The following ITGA9 variants were observed in gnomAD, a reference collection of about 807,000 sequenced individuals.
The protein encoded by ITGA9 is integrin subunit alpha 9, also known as integrin alpha-9.
A neutral mutation model predicts 127.8 loss-of-function variants in ITGA9; 56 were observed. That is an observed-to-expected ratio of 0.44 (90% CI 0.35 to 0.55). ITGA9 has a LOEUF of 0.55. ITGA9 is among the 20% of genes least tolerant of loss of function. The pLI is 0.00. For missense variants in ITGA9, 1,196 were observed against 1,347.1 expected, an observed-to-expected ratio of 0.89 and a Z score of 1.76; for synonymous variants, 508 against 514.5, an observed-to-expected ratio of 0.99 and a Z score of 0.17.
At chr3:37,734,871 C>G (rs973731070) in intron 19 of ITGA9, among the ~76,000 whole-genome samples, 2 of 152,216 alleles carry the variant, frequency 1.3e-5, no homozygotes, top group Admixed American at 1.3e-4. Context: ...CTACCACTTT[C>G]CTCCCACATA....
At chr3:37,482,293 G>A (rs1698565682) in intron 4 of ITGA9, among the ~76,000 whole-genome samples, 1 of 152,194 alleles carries the variant, frequency 6.6e-6, no homozygotes, top group South Asian at 2.1e-4. Flanking sequence ...CTCGCCAAGG[G>A]GCACTTGGAA....
chr3:37,726,565 G>T (rs1322201099), intron 18 of ITGA9, among the ~76,000 whole-genome samples: 1 of 152,218 alleles, frequency 6.6e-6, no homozygotes, highest in Non-Finnish European at 1.5e-5. Context: ...ACCACTGCAC[G>T]TTACAAACAG....
At chr3:37,556,323 C>T (rs527490294) in intron 15 of ITGA9, among the ~76,000 whole-genome samples, 99 of 152,336 alleles carry the variant, frequency 6.5e-4, no homozygotes, top group Admixed American at 9.1e-4. Context: ...AAATCTTTTC[C>T]TCTTTCTAAC....
At chr3:37,595,601 G>C (rs1413577318) in intron 15 of ITGA9, among the ~76,000 whole-genome samples, 1 of 152,224 alleles carries the variant, frequency 6.6e-6, no homozygotes, top group Non-Finnish European at 1.5e-5. Flanking sequence ...AGTGGAGTTT[G>C]ACTCAGATCC....
At chr3:37,534,907 C>T (rs1699193784) in intron 14 of ITGA9, among the ~76,000 whole-genome samples, 1 of 152,240 alleles carries the variant, frequency 6.6e-6, no homozygotes, top group African/African-American at 2.4e-5. Context: ...TAAGATACTA[C>T]AGTCTTAAGG....
chr3:37,490,000 A>G (rs976327244), intron 4 of ITGA9, among the ~76,000 whole-genome samples: 5 of 152,148 alleles, frequency 3.3e-5, no homozygotes, highest in African/African-American at 1.2e-4. Context: ...CTGGGGTTCA[A>G]CTGCATAGTC....
At chr3:37,693,720 C>A (rs1332220110) in intron 18 of ITGA9, among the ~76,000 whole-genome samples, 1 of 152,172 alleles carries the variant, frequency 6.6e-6, no homozygotes, top group African/African-American at 2.4e-5. Flanking sequence ...GAGAACAAAG[C>A]AAATTGTGTT....
intron 14 of ITGA9, among the ~76,000 whole-genome samples, chr3:37,536,381 G>A (rs62239552): frequency 0.57 from 86,164 of 151,382 alleles, 24,955 homozygotes; most frequent in East Asian, 0.81. Flanking sequence ...TTTGTTAGCA[G>A]GACGGCTGCA....
intron 23 of ITGA9, among the ~76,000 whole-genome samples, chr3:37,759,258 G>A (rs1383242455): frequency 6.6e-6 from 1 of 151,812 alleles, no homozygotes; most frequent in Non-Finnish European, 1.5e-5. Flanking sequence ...ACCCCTCAAT[G>A]GGAGGGGTAA....
chr3:37,526,034 G>A lies in ITGA9; in HGVS notation c.1336G>A (p.Val446Ile), dbSNP rs1699089622. 6.2e-7 allele frequency: 1 copy of A among 1,614,078 alleles called. No individual in the cohort carries two copies. The highest frequency in any genetic ancestry group is 8.5e-7 in the Non-Finnish European group (1 of 1,179,986). Residue 446 changes from valine (V) to isoleucine (I), a missense_variant, in exon 13 of 28, where the codon GTT becomes ATT. By Grantham distance (29) the Val-to-Ile change is conservative. Transcript: ENST00000264741. Reference protein sequence around the residue: ...MDGNGYPDVTVGAFMSDSVVL... With the variant: ...MDGNGYPDVTIGAFMSDSVVL... Reference sequence around the variant, plus strand: ...AAACTTCTCATTTTCAGATGTCACTGTTGGAGCCTTCATGTCCGACAGCGT... The same window carrying A: ...AAACTTCTCATTTTCAGATGTCACTATTGGAGCCTTCATGTCCGACAGCGT...
intron 15 of ITGA9, among the ~76,000 whole-genome samples, chr3:37,628,273 C>A (rs890320040): frequency 1.3e-5 from 2 of 152,134 alleles, no homozygotes; most frequent in Non-Finnish European, 2.9e-5. Flanking sequence ...CACGCACCCC[C>A]GCCGAGCTCA....
Position 37,714,644 on chromosome 3 carries a change from C to G in ITGA9, c.2068-18068C>G, listed in dbSNP as rs554521163. The stretch of plus-strand genomic sequence containing the variant: ...GAATCTACATCAGTGCCACTCAAAG[C>G]GTGGTCTCCTGACCACTAGCATCCA... On this transcript the variant is annotated intron_variant, in intron 18 of 27. Transcript: ENST00000264741. 7.2e-4 allele frequency among the ~76,000 whole-genome samples: 109 copies of G among 152,304 alleles called. 1 individual carries two copies. The highest frequency in any genetic ancestry group is 2.5e-3 in the African/African-American group (104 of 41,568).
chr3:37,604,697 A>G (rs935049915), intron 15 of ITGA9, among the ~76,000 whole-genome samples: 2 of 152,160 alleles, frequency 1.3e-5, no homozygotes, highest in Non-Finnish European at 2.9e-5. Context: ...AGGAACCCAA[A>G]GGATGTAGTT....
intron 20 of ITGA9, among the ~76,000 whole-genome samples, chr3:37,741,386 G>T (rs138363703): frequency 1.3e-5 from 2 of 148,258 alleles, no homozygotes; most frequent in Non-Finnish European, 3.0e-5. Context: ...CAGAGTCCCC[G>T]CGAGACTGGG....
At chr3:37,521,012 G>T (rs1421405436) in intron 11 of ITGA9, among the ~76,000 whole-genome samples, 1 of 152,138 alleles carries the variant, frequency 6.6e-6, no homozygotes, top group Non-Finnish European at 1.5e-5. Flanking sequence ...TGTGGTTAGC[G>T]TGGAGCGTCT....
At chr3:37,721,058 C>T (rs1701184842) in intron 18 of ITGA9, among the ~76,000 whole-genome samples, 1 of 151,440 alleles carries the variant, frequency 6.6e-6, no homozygotes, top group African/African-American at 2.4e-5. Flanking sequence ...TCTGCAACTG[C>T]CAGTGATTGG....
rs1355863770 is a variant in ITGA9, at chr3:37,629,107, A to G, written c.1690-80A>G. Reference sequence around the variant, plus strand: ...GATTATATGAGGCAATTCATGTAGAAGGTCTTTGTAAACTGTGAAATGCTC... The same window carrying G: ...GATTATATGAGGCAATTCATGTAGAGGGTCTTTGTAAACTGTGAAATGCTC... On this transcript the variant is annotated intron_variant, in intron 15 of 27. Transcript: ENST00000264741. The surrounding 1 kb of genome is among the most constrained non-coding windows in gnomAD (Gnocchi z 4.5). The G allele has an allele frequency of 6.6e-7, 1 of 1,505,156 alleles. No homozygotes were observed. The highest frequency in any genetic ancestry group is 9.2e-7 in the Non-Finnish European group (1 of 1,083,066). 93.2% of individuals were successfully genotyped at this position (1,505,156 alleles called of 1,614,324 possible).
intron 7 of ITGA9, among the ~76,000 whole-genome samples, chr3:37,507,374 G>A (rs375859465): frequency 6.6e-6 from 1 of 152,154 alleles, no homozygotes; most frequent in Admixed American, 6.5e-5. Flanking sequence ...AGTGATGCGG[G>A]TGCCTCTATG....
At chr3:37,482,318 C>G (rs989784170) in intron 4 of ITGA9, among the ~76,000 whole-genome samples, 2 of 152,238 alleles carry the variant, frequency 1.3e-5, no homozygotes, top group Non-Finnish European at 2.9e-5. Context: ...AATGTATCCT[C>G]TCAGACTTAG....
Sources: allele counts gnomAD v4.1 joint callset (sites outside exome capture counted in the v4.1 genomes callset), GRCh38; gene constraint gnomAD v4.1.1; non-coding constraint Gnocchi (gnomAD v3.1); transcripts MANE v1.5; gene names NCBI Gene and HGNC (gene_info 2026-07-23, HGNC 2026-07-21).